Variants in SLC2A13 observed in about 807,000 individuals in gnomAD.
The protein encoded by SLC2A13 is proton myo-inositol cotransporter.
In SLC2A13, 32 loss-of-function variants were observed where a neutral mutation model predicts 64.4. The ratio of observed to expected loss-of-function variants is 0.50; its 90% CI spans 0.37 to 0.67. The LOEUF is 0.67. Among genes scored for constraint, SLC2A13 ranks in the 30% least tolerant of loss-of-function variants. SLC2A13 has a pLI of 0.00. For missense variants in SLC2A13, 743 were observed against 829.2 expected, an observed-to-expected ratio of 0.90 and a Z score of 1.28; for synonymous variants, 338 against 327.1, an observed-to-expected ratio of 1.03 and a Z score of -0.36.
At chr12:40,022,863 A>AT (rs1485423498) in intron 3 of SLC2A13, among the ~76,000 whole-genome samples, 1 of 151,916 alleles carries the variant, frequency 6.6e-6, no homozygotes, top group African/African-American at 2.4e-5. Context: ...TTAATATGTA[A>AT]TTTTTTAACA....
rs558875334 is a variant in SLC2A13, at chr12:39,839,506, A to G, written c.1320-9278T>C. ...CCCAGAGATTGCTGGTGGTTGTCTC[A>G]TGGGTAACTCGGAGCACTTTTCCAA... is the stretch of plus-strand genomic sequence containing the variant. On this transcript the variant is annotated intron_variant, in intron 6 of 9. Coordinates refer to ENST00000280871, the MANE Select transcript of SLC2A13 (RefSeq NM_052885.4). Among the ~76,000 whole-genome samples the G allele has an allele frequency of 2.0e-5, 3 of 152,178 alleles. No individual in the cohort carries two copies. In the East Asian group the frequency reaches 5.8e-4, roughly 29 times the overall value.
intron 7 of SLC2A13, among the ~76,000 whole-genome samples, chr12:39,770,085 C>A (rs575323423): frequency 2.6e-5 from 4 of 152,132 alleles, no homozygotes; most frequent in Admixed American, 1.3e-4. Flanking sequence ...TATATGTATT[C>A]ATTGCTTTTT....
At chr12:39,954,136 GA>G (rs1244825307) in intron 3 of SLC2A13, among the ~76,000 whole-genome samples, 1 of 152,188 alleles carries the variant, frequency 6.6e-6, no homozygotes, top group East Asian at 1.9e-4. Context: ...AACAGGCAAT[GA>G]AGCAAAGTGA....
At chr12:40,013,846 G>A (rs1315846146) in intron 3 of SLC2A13, among the ~76,000 whole-genome samples, 3 of 152,156 alleles carry the variant, frequency 2.0e-5, no homozygotes, top group Non-Finnish European at 4.4e-5. Flanking sequence ...ATTTTACAGA[G>A]GAAGAGACTA....
chr12:39,829,410 T>TTTTTTTTTG (rs1942791306), intron 7 of SLC2A13: 1 of 103,078 alleles, frequency 9.7e-6, no homozygotes, highest in Non-Finnish European at 1.8e-5. Flanking sequence ...TTTTTTTTTT[T>TTTTTTTTTG]TTTTTCTTTT....
At chr12:40,070,904 C>T (rs1002876019) in intron 1 of SLC2A13, among the ~76,000 whole-genome samples, 16 of 152,072 alleles carry the variant, frequency 1.1e-4, no homozygotes, top group Non-Finnish European at 1.2e-4. Context: ...GGGCCACCTT[C>T]GGAATATAAG....
intron 1 of SLC2A13, among the ~76,000 whole-genome samples, chr12:40,080,924 G>A (rs1016618340): frequency 1.3e-5 from 2 of 152,160 alleles, no homozygotes; most frequent in African/African-American, 2.4e-5. Context: ...GTGTTTGCTT[G>A]TCTGAAGAAA....
Position 40,026,922 on chromosome 12 carries a change from A to G in SLC2A13, c.925+1379T>C, listed in dbSNP as rs373495896. ...TGGTGAAACCCCATCTCTACAAAAA[A>G]TACAAAAATCAGCCAGGCATGATGG... is the stretch of plus-strand genomic sequence containing the variant. On this transcript the variant is annotated intron_variant, in intron 3 of 9. Coordinates refer to ENST00000280871, the MANE Select transcript of SLC2A13 (RefSeq NM_052885.4). Among the ~76,000 whole-genome samples the G allele has an allele frequency of 2.6e-5, 4 of 152,288 alleles. No individual in the cohort carries two copies. The East Asian group carries it at 5.8e-4, about 22-fold the overall frequency.
intron 2 of SLC2A13, among the ~76,000 whole-genome samples, chr12:40,039,677 C>T (rs965124747): frequency 3.9e-5 from 6 of 152,170 alleles, no homozygotes; most frequent in Non-Finnish European, 7.3e-5. Flanking sequence ...AACTCTTTTG[C>T]TATTATCAAA....
intron 7 of SLC2A13, among the ~76,000 whole-genome samples, chr12:39,775,707 AG>A (rs1940751695): frequency 6.6e-6 from 1 of 152,228 alleles, no homozygotes; most frequent in Non-Finnish European, 1.5e-5. Flanking sequence ...CCAGAGAATA[AG>A]TTATATGGAT....
intron 5 of SLC2A13, 103 bp from the exon 6 acceptor site, chr12:39,864,985 ACTCCTG>A: frequency 4.7e-6 from 5 of 1,063,908 alleles, no homozygotes; most frequent in Middle Eastern, 2.9e-4. Context: ...ACAAACAAAA[ACTCCTG>A]AAAAAAAAAT....
At chr12:39,818,831 T>C (rs1942410800) in intron 7 of SLC2A13, among the ~76,000 whole-genome samples, 1 of 152,178 alleles carries the variant, frequency 6.6e-6, no homozygotes, top group South Asian at 2.1e-4. Flanking sequence ...AATATTGTTA[T>C]AAGTATAAAA....
intron 3 of SLC2A13, among the ~76,000 whole-genome samples, chr12:39,997,046 A>T (rs1227363187): frequency 6.6e-6 from 1 of 152,196 alleles, no homozygotes; most frequent in Non-Finnish European, 1.5e-5. Context: ...TCTAAAATTC[A>T]TATGGAACCA....
At chr12:39,813,897 T>C (rs1405127234) in intron 7 of SLC2A13, among the ~76,000 whole-genome samples, 2 of 152,254 alleles carry the variant, frequency 1.3e-5, no homozygotes, top group East Asian at 3.8e-4. Flanking sequence ...AAGAATGTCA[T>C]TCCTGGAAAC....
chr12:40,045,310 C>G (rs1184251022), intron 2 of SLC2A13, among the ~76,000 whole-genome samples: 1 of 151,876 alleles, frequency 6.6e-6, no homozygotes, highest in Non-Finnish European at 1.5e-5. Flanking sequence ...AGAAATTTTA[C>G]ATGATATATT....
intron 1 of SLC2A13, among the ~76,000 whole-genome samples, chr12:40,099,998 T>A (rs1262486419): frequency 6.6e-6 from 1 of 152,216 alleles, no homozygotes; most frequent in African/African-American, 2.4e-5. Context: ...TTACCTTAAA[T>A]GACATTCTTT....
intron 2 of SLC2A13, among the ~76,000 whole-genome samples, chr12:40,045,015 A>C (rs937241191): frequency 8.5e-5 from 13 of 152,214 alleles, no homozygotes; most frequent in Admixed American, 7.2e-4. Flanking sequence ...TCAAGTTTTT[A>C]ATCTGCAAAA....
intron 7 of SLC2A13, among the ~76,000 whole-genome samples, chr12:39,766,256 G>A (rs962355500): frequency 2.0e-5 from 3 of 152,020 alleles, no homozygotes; most frequent in African/African-American, 7.2e-5. Context: ...GAGATATTGC[G>A]AGGTCAGTTC....
chr12:40,027,850 T>C (rs1480046940), intron 3 of SLC2A13, among the ~76,000 whole-genome samples: 3 of 152,344 alleles, frequency 2.0e-5, no homozygotes, highest in Non-Finnish European at 2.9e-5. Context: ...GGTACATTTC[T>C]ATGTGAAATC....
Sources: allele counts gnomAD v4.1 joint callset (sites outside exome capture counted in the v4.1 genomes callset), GRCh38; gene constraint gnomAD v4.1.1; transcripts MANE v1.5; gene names NCBI Gene and HGNC (gene_info 2026-07-23, HGNC 2026-07-21).